The following SLC22A9 variants were observed in gnomAD, a reference collection of about 807,000 sequenced individuals.
SLC22A9 encodes the protein solute carrier family 22 member 9.
SLC22A9 carries 64 observed loss-of-function variants against 50.1 expected under a neutral mutation model. The ratio of observed to expected loss-of-function variants is 1.28; its 90% confidence interval spans 1.04 to 1.57. SLC22A9 has a LOEUF of 1.57. SLC22A9 is among the 40% of genes most tolerant of loss of function. The pLI is 0.00. For synonymous variants in SLC22A9, 261 were observed against 242.5 expected (o/e 1.08, Z -0.71); for missense variants, 757 against 676.1 (o/e 1.12, Z -1.33).
At position 63,375,882 on chromosome 11, in the gene SLC22A9, T is replaced by C. The variant is rs73483775; in HGVS notation, c.954+114T>C. On this transcript the variant is annotated intron_variant, in intron 5 of 9. Coordinates refer to ENST00000279178, the MANE Select transcript of SLC22A9 (RefSeq NM_080866.3). Reference sequence around the variant, plus strand: ...AAGGAAAGAAACACAGGTATGGTTATGGGCTGTATCACCTCACTATCATTT... The same window carrying C: ...AAGGAAAGAAACACAGGTATGGTTACGGGCTGTATCACCTCACTATCATTT... The C allele has an allele frequency of 2.8e-3, 3,748 of 1,342,642 alleles. 77 individuals are homozygous for C. The African/African-American group carries it at 0.05, about 18-fold the overall frequency. The allele number at this position is 1,342,642 out of a possible 1,614,324, so 83.2% of individuals were successfully genotyped here.
intron 9 of SLC22A9, 42 bp downstream of exon 9, chr11:63,408,921 T>C: frequency 6.2e-7 from 1 of 1,602,784 alleles, no homozygotes. Flanking sequence ...ATCTGTGTGC[T>C]ATAGGTCTGT....
At position 63,373,815 on chromosome 11, in the gene SLC22A9, G is replaced by A. The variant is rs375595789; in HGVS notation, c.661+17G>A. Reference sequence around the variant, plus strand: ...TTATGTTAAGTAAGCCAACACTTTGGATCCACATTTTCCAAACTGTGACTT... The same window carrying A: ...TTATGTTAAGTAAGCCAACACTTTGAATCCACATTTTCCAAACTGTGACTT... On this transcript the variant is annotated intron_variant, in intron 3 of 9. Coordinates refer to ENST00000279178, the MANE Select transcript of SLC22A9 (RefSeq NM_080866.3). The A allele has an allele frequency of 2.3e-4, 370 of 1,604,806 alleles. 15 individuals carry two copies. Among genetic ancestry groups the A allele is most frequent in the East Asian group, 1.1e-3 (51 of 44,760 alleles).
chr11:63,370,046 G>C lies in SLC22A9; in HGVS notation c.-11G>C, dbSNP rs775604654. ...TTTTGCCTCTACTTGAGGATCAACT[G>C]TTCAACCTCAATGGCCTTTCAGGAC... On this transcript the variant is annotated 5_prime_UTR_variant, in exon 1 of 10. Coordinates refer to ENST00000279178, the MANE Select transcript of SLC22A9 (RefSeq NM_080866.3). 6.2e-7 allele frequency: 1 copy of C among 1,604,528 alleles called. No homozygotes were observed. The highest frequency in any genetic ancestry group is 2.2e-5 in the East Asian group (1 of 44,864).
intron 5 of SLC22A9, among the ~76,000 whole-genome samples, chr11:63,381,074 G>A (rs2014553129): frequency 6.6e-6 from 1 of 152,016 alleles, no homozygotes; most frequent in African/African-American, 2.4e-5. Context: ...ATTTTATAAT[G>A]ATTATTCATA....
chr11:63,371,096 G>T, intron 1 of SLC22A9, 39 bp from the exon 2 acceptor site: 1 of 1,437,356 alleles, frequency 7.0e-7, no homozygotes, highest in Non-Finnish European at 9.8e-7. Context: ...TACACTGAGG[G>T]GTAATAAGCA....
At chr11:63,372,400 G>T (rs553136856) in intron 2 of SLC22A9, among the ~76,000 whole-genome samples, 1 of 152,176 alleles carries the variant, frequency 6.6e-6, no homozygotes, top group South Asian at 2.1e-4. Flanking sequence ...ACAGCAAAGG[G>T]AATGAATAAA....
chr11:63,395,948 G>T (rs923208057), intron 6 of SLC22A9, among the ~76,000 whole-genome samples: 25 of 152,184 alleles, frequency 1.6e-4, no homozygotes, highest in South Asian at 1.2e-3. Flanking sequence ...TATTATGGCT[G>T]CCTCTGCTGA....
At chr11:63,382,349 T>C in intron 6 of SLC22A9, 72 bp downstream of exon 6, 1 of 1,067,666 alleles carries the variant, frequency 9.4e-7, no homozygotes. Flanking sequence ...TTTCAAGTAG[T>C]ACAGCATGTT....
At chr11:63,395,759 G>A (rs1227807577) in intron 6 of SLC22A9, among the ~76,000 whole-genome samples, 10 of 152,090 alleles carry the variant, frequency 6.6e-5, no homozygotes, top group Non-Finnish European at 1.5e-4. Context: ...AGTGAATGGG[G>A]CCCTAGAACT....
rs753985889 is a variant in SLC22A9 at position 63,408,174 on chromosome 11, A to G, written c.1351A>G (p.Thr451Ala). 2 of 1,613,546 alleles carry G rather than the reference A, an allele frequency of 1.2e-6. No individual in the cohort carries two copies. The highest frequency in any genetic ancestry group is 2.2e-5 in the East Asian group (1 of 44,878). The change falls in exon 8 of 10, where the codon ACC becomes GCC. Residue 451 changes from threonine (T) to alanine (A), a missense_variant. Transcript: ENST00000279178. ...CTTAGGAGCGTCTGCTCTTGCCAAT[A>G]CCCTTGCTTTTGCCCATGGAAATGA... is the stretch of plus-strand genomic sequence containing the variant. Reference protein sequence around the residue: ...LGLGASALANTLAFAHGNEVI... With the variant: ...LGLGASALANALAFAHGNEVI...
chr11:63,409,486 TTACAAATTTGTGTTGGG>T, intron 9 of SLC22A9, among the ~76,000 whole-genome samples: 1 of 151,678 alleles, frequency 6.6e-6, no homozygotes, highest in East Asian at 1.9e-4. Context: ...TTAAGAAAGT[TTACAAATTTGTGTTGGG>T]CCACATTCAA....
intron 6 of SLC22A9, among the ~76,000 whole-genome samples, chr11:63,384,699 C>A (rs1461586959): frequency 6.6e-6 from 1 of 152,114 alleles, no homozygotes; most frequent in East Asian, 1.9e-4. Context: ...CGTTCTAGAT[C>A]TTTGAGAAAT....
At chr11:63,380,955 C>T (rs113446545) in intron 5 of SLC22A9, among the ~76,000 whole-genome samples, 5,170 of 152,036 alleles carry the variant, frequency 0.034, 126 homozygotes, top group Non-Finnish European at 0.056. Flanking sequence ...CCATCAGTTT[C>T]CCAGGGAAAA....
chr11:63,376,557 G>A (rs1302452500), intron 5 of SLC22A9, among the ~76,000 whole-genome samples: 2 of 151,714 alleles, frequency 1.3e-5, no homozygotes, highest in Non-Finnish European at 1.5e-5. Context: ...TGCTATGACA[G>A]AGAATATCAA....
chr11:63,375,635 C>A lies in SLC22A9; in HGVS notation c.831-10C>A, dbSNP rs778834941. On this transcript the variant is annotated splice_polypyrimidine_tract_variant and intron_variant, in intron 4 of 9. Coordinates refer to ENST00000279178, the MANE Select transcript of SLC22A9 (RefSeq NM_080866.3). Reference sequence around the variant, plus strand: ...AAGTCGACTGCCCCTCTGTTCTCTTCCTTGGTCAGTTGGCTGCTAGAGTCT... The same window carrying A: ...AAGTCGACTGCCCCTCTGTTCTCTTACTTGGTCAGTTGGCTGCTAGAGTCT... 13 of 1,611,120 alleles carry A rather than the reference C, an allele frequency of 8.1e-6. No homozygotes were observed. Among genetic ancestry groups the A allele is most frequent in the Middle Eastern group, 3.3e-4 (2 of 6,058 alleles).
intron 6 of SLC22A9, among the ~76,000 whole-genome samples, chr11:63,405,442 C>A (rs530566347): frequency 2.6e-5 from 4 of 152,182 alleles, no homozygotes; most frequent in Non-Finnish European, 4.4e-5. Flanking sequence ...GGAATTCCCT[C>A]TAACAAGATA....
intron 6 of SLC22A9, among the ~76,000 whole-genome samples, chr11:63,387,020 TG>T (rs1278067799): frequency 4.6e-5 from 7 of 152,116 alleles, no homozygotes; most frequent in Admixed American, 4.6e-4. Context: ...AGCTTTTTGA[TG>T]TGGGCACTTA....
At chr11:63,378,227 CA>C (rs2014497872) in intron 5 of SLC22A9, among the ~76,000 whole-genome samples, 1 of 137,248 alleles carries the variant, frequency 7.3e-6, no homozygotes, top group Non-Finnish European at 1.5e-5. Context: ...CAAAACCTGG[CA>C]GAGAAAAAAA....
rs1565179906 is a variant in SLC22A9 at position 63,370,351 on chromosome 11, C to G, written c.295C>G (p.Leu99Val). The change falls in exon 1 of 10, where the codon CTT becomes GTT. Residue 99 changes from leucine (L) to valine (V), a missense_variant. Transcript: ENST00000279178. ...CTTTGTTCATCCTCAGTGGCAGCTCCTTCACCTGAATGGGACCTTCCCCAA... is the reference window on the plus strand; with the variant it reads ...CTTTGTTCATCCTCAGTGGCAGCTCGTTCACCTGAATGGGACCTTCCCCAA... ...RRFVHPQWQLLHLNGTFPNTS... is the reference protein window; with the variant it reads ...RRFVHPQWQLVHLNGTFPNTS... 1 of 1,614,000 alleles carries G rather than the reference C, an allele frequency of 6.2e-7. No individual in the cohort carries two copies. The highest frequency in any genetic ancestry group is 1.7e-5 in the Admixed American group (1 of 60,010).
Sources: allele counts gnomAD v4.1 joint callset (sites outside exome capture counted in the v4.1 genomes callset), GRCh38; gene constraint gnomAD v4.1.1; transcripts MANE v1.5; gene names NCBI Gene and HGNC (gene_info 2026-07-23, HGNC 2026-07-21).